CNTNAP2: variants seen among roughly 807,000 people sequenced by gnomAD.
CNTNAP2 encodes the protein contactin-associated protein-like 2.
In CNTNAP2, 98 loss-of-function variants were observed where a neutral mutation model predicts 155.2. The observed-to-expected ratio is 0.63, with a 90% CI of 0.54 to 0.75. The LOEUF (loss-of-function observed/expected upper bound fraction) is 0.75. Ranked by LOEUF, CNTNAP2 falls within the 30% of genes least tolerant of loss-of-function variation. The pLI is 0.00. For missense variants in CNTNAP2, 1,727 were observed against 1,688.1 expected (o/e 1.02, Z -0.40); for synonymous variants, 651 against 631.2 (o/e 1.03, Z -0.47).
intron 1 of CNTNAP2, among the ~76,000 whole-genome samples, chr7:146,563,258 T>C (rs1798307554): frequency 6.6e-6 from 1 of 152,188 alleles, no homozygotes. Context: ...CATTTCCTCA[T>C]GGCTGGAAGG....
chr7:148,338,144 G>GAAA (rs1798154410), intron 21 of CNTNAP2, among the ~76,000 whole-genome samples: 1 of 152,136 alleles, frequency 6.6e-6, no homozygotes. Flanking sequence ...TGTCCCGACA[G>GAAA]TTTGCCTTTT....
At chr7:146,303,438 CT>C (rs1015980460) in intron 1 of CNTNAP2, among the ~76,000 whole-genome samples, 7 of 151,806 alleles carry the variant, frequency 4.6e-5, no homozygotes, top group Non-Finnish European at 8.8e-5. Flanking sequence ...GAAATCTACC[CT>C]TTTAAAATTT....
chr7:146,784,554 A>C lies in CNTNAP2; in HGVS notation c.208+10173A>C, dbSNP rs73740866. On this transcript the variant is annotated intron_variant, in intron 2 of 23. Coordinates refer to ENST00000361727, the MANE Select transcript of CNTNAP2 (RefSeq NM_014141.6). ...AAATTTAAGAAGATGTGAAGAATAC[A>C]TATACCTTTGTAAGATTGTTGATAT... Among the ~76,000 whole-genome samples, 522 of 152,346 alleles carry C rather than the reference A, an allele frequency of 3.4e-3. 1 individual carries two copies. The highest frequency in any genetic ancestry group is 0.012 in the African/African-American group (484 of 41,580).
intron 3 of CNTNAP2, among the ~76,000 whole-genome samples, chr7:146,954,952 AAG>A (rs1373530542): frequency 1.3e-5 from 2 of 151,930 alleles, no homozygotes; most frequent in African/African-American, 4.8e-5. Flanking sequence ...CATCAATAGA[AAG>A]AGAGAGGAAG....
chr7:147,384,223 C>A (rs1440046664), intron 9 of CNTNAP2, among the ~76,000 whole-genome samples: 7 of 152,072 alleles, frequency 4.6e-5, no homozygotes, highest in African/African-American at 1.7e-4. Context: ...AATAACATGG[C>A]AGAACTATTG....
chr7:147,180,066 C>T (rs1206188028), intron 8 of CNTNAP2, among the ~76,000 whole-genome samples: 1 of 152,098 alleles, frequency 6.6e-6, no homozygotes, highest in Non-Finnish European at 1.5e-5. Flanking sequence ...TACCCAGGAA[C>T]AGGCCTGGAG....
chr7:147,393,388 G>A (rs1796756228), intron 9 of CNTNAP2, among the ~76,000 whole-genome samples: 1 of 151,524 alleles, frequency 6.6e-6, no homozygotes, highest in Admixed American at 6.6e-5. Context: ...TTATGCAGCT[G>A]CTGTGCTTCA....
chr7:148,201,376 C>A (rs554261800), intron 18 of CNTNAP2, among the ~76,000 whole-genome samples: 1 of 152,160 alleles, frequency 6.6e-6, no homozygotes, highest in Non-Finnish European at 1.5e-5. Context: ...TATGTTTGAA[C>A]CTAAGTCTTT....
In CNTNAP2 at chr7:147,019,344, C is replaced by A. The variant is rs144284692; in HGVS notation, c.403-24563C>A. On this transcript the variant is annotated intron_variant, in intron 3 of 23. Transcript: ENST00000361727. Reference sequence around the variant, plus strand: ...CACTCAATAAATGCATGATAGTTGACCGAATGTTAACTTATGATATACGAC... The same window carrying A: ...CACTCAATAAATGCATGATAGTTGAACGAATGTTAACTTATGATATACGAC... Among the ~76,000 whole-genome samples, 550 of 152,018 alleles carry A rather than the reference C, an allele frequency of 3.6e-3. 1 individual carries two copies. The highest frequency in any genetic ancestry group is 5.0e-3 in the Non-Finnish European group (340 of 67,904).
chr7:147,957,701 G>A (rs575453826), intron 14 of CNTNAP2, among the ~76,000 whole-genome samples: 21 of 152,242 alleles, frequency 1.4e-4, no homozygotes, highest in African/African-American at 5.1e-4. Context: ...TAAAATTAAA[G>A]TCTAAAATGC....
intron 18 of CNTNAP2, among the ~76,000 whole-genome samples, chr7:148,174,972 T>C (rs1794906877): frequency 6.6e-6 from 1 of 152,170 alleles, no homozygotes; most frequent in Non-Finnish European, 1.5e-5. Flanking sequence ...GTGTTCTCAC[T>C]GTTCAGCTAC....
chr7:146,163,515 A>ATC lies in CNTNAP2; in HGVS notation c.97+46544_97+46545dup, dbSNP rs1309297160. On this transcript the variant is annotated intron_variant, in intron 1 of 23. Transcript: ENST00000361727. ...TATCTATATCTATATATCTATATATATCTATATATATCTATATATATCTAT... is the reference window on the plus strand; with the variant it reads ...TATCTATATCTATATATCTATATATATCTCTATATATATCTATATATATCTAT... Among the ~76,000 whole-genome samples, 8 of 50,394 alleles carry ATC rather than the reference A, an allele frequency of 1.6e-4. No individual in the cohort carries two copies. The Admixed American group carries it at 1.7e-3, about 11-fold the overall frequency. The allele number at this position is 50,394 out of a possible 152,430, so 33.1% of individuals were successfully genotyped here.
chr7:146,546,016 G>A (rs930559878), intron 1 of CNTNAP2, among the ~76,000 whole-genome samples: 5 of 151,888 alleles, frequency 3.3e-5, no homozygotes, highest in Non-Finnish European at 7.4e-5. Context: ...AATTCATTTA[G>A]AAATGGGCTT....
At chr7:146,118,926 G>T (rs1289646321) in intron 1 of CNTNAP2, among the ~76,000 whole-genome samples, 8 of 152,036 alleles carry the variant, frequency 5.3e-5, no homozygotes, top group African/African-American at 1.9e-4. Flanking sequence ...TGACCAAAAT[G>T]CAAAGTTGCC....
At chr7:146,833,642 A>G (rs567811300) in intron 2 of CNTNAP2, among the ~76,000 whole-genome samples, 11 of 152,260 alleles carry the variant, frequency 7.2e-5, no homozygotes, top group African/African-American at 2.6e-4. Flanking sequence ...GTGAGTAATC[A>G]GCTTTCTTCA....
chr7:146,371,771 A>C (rs552777807), intron 1 of CNTNAP2, among the ~76,000 whole-genome samples: 35 of 151,930 alleles, frequency 2.3e-4, no homozygotes, highest in Middle Eastern at 3.4e-3. Context: ...CCTGGCCAAC[A>C]TGGTGAAACC....
chr7:146,841,198 A>G (rs1424831975), intron 3 of CNTNAP2, among the ~76,000 whole-genome samples: 1 of 152,202 alleles, frequency 6.6e-6, no homozygotes, highest in East Asian at 1.9e-4. Context: ...TCCGATGGTG[A>G]TGCTAATGTA....
intron 8 of CNTNAP2, among the ~76,000 whole-genome samples, chr7:147,275,572 T>A (rs1304801278): frequency 6.6e-6 from 1 of 151,998 alleles, no homozygotes; most frequent in Non-Finnish European, 1.5e-5. Flanking sequence ...AGGCTAGGGA[T>A]CTTTTGAAGG....
intron 3 of CNTNAP2, among the ~76,000 whole-genome samples, chr7:146,880,026 A>G (rs1157987290): frequency 2.0e-5 from 3 of 152,038 alleles, no homozygotes; most frequent in East Asian, 1.9e-4. Context: ...CCATGAGAAC[A>G]GTATGTGGGA....
Sources: gnomAD v4.1 joint callset for allele counts (sites outside exome capture counted in the v4.1 genomes callset) on GRCh38, gnomAD v4.1.1 for gene constraint, MANE v1.5 for transcripts, NCBI Gene and HGNC (gene_info 2026-07-23, HGNC 2026-07-21) for gene names.